TENM3: variants seen among roughly 807,000 people sequenced by gnomAD.
The protein encoded by TENM3 is teneurin-3.
TENM3 carries 63 observed loss-of-function variants against 255.1 expected under a neutral mutation model. The observed-to-expected ratio is 0.25, with a 90% CI of 0.20 to 0.30. The LOEUF (loss-of-function observed/expected upper bound fraction) is 0.30. Among genes scored for constraint, TENM3 ranks in the 10% least tolerant of loss-of-function variants. TENM3 has a pLI of 1.00. For synonymous variants in TENM3, 1,306 were observed against 1,322.3 expected (o/e 0.99, Z 0.27); for missense variants, 2,929 against 3,461.1 (o/e 0.85, Z 3.86).
At chr4:181,606,556 C>A in the TENM3 span, among the ~76,000 whole-genome samples, 2 of 152,188 alleles carry the variant, frequency 1.3e-5, no homozygotes, top group African/African-American at 4.8e-5. Context: ...GAGAGAACTG[C>A]ATTACTCAGG....
At chr4:181,667,439 T>A in the TENM3 span, among the ~76,000 whole-genome samples, 1 of 152,104 alleles carries the variant, frequency 6.6e-6, no homozygotes, top group African/African-American at 2.4e-5. Flanking sequence ...CCAAAAAGCA[T>A]GTGTTGGAGA....
chr4:181,494,028 C>A, the TENM3 span, among the ~76,000 whole-genome samples: 1 of 152,120 alleles, frequency 6.6e-6, no homozygotes, highest in Non-Finnish European at 1.5e-5. Context: ...ATCCTCACAG[C>A]AGCCCTGTGA....
the TENM3 span, among the ~76,000 whole-genome samples, chr4:182,026,255 G>C: frequency 6.6e-6 from 1 of 152,146 alleles, no homozygotes; most frequent in Non-Finnish European, 1.5e-5. Context: ...CCATTTGTAA[G>C]TCTTCCTTTG....
intron 3 of TENM3, among the ~76,000 whole-genome samples, chr4:182,419,605 G>C (rs1296392218): frequency 2.0e-5 from 3 of 152,090 alleles, no homozygotes; most frequent in African/African-American, 7.2e-5. Context: ...CAATAGCAAA[G>C]ACTTGGAACC....
chr4:181,813,006 T>A, the TENM3 span, among the ~76,000 whole-genome samples: 1 of 152,156 alleles, frequency 6.6e-6, no homozygotes, highest in Non-Finnish European at 1.5e-5. Flanking sequence ...GATAACCTCT[T>A]AGTGTCTCCT....
chr4:181,885,366 GATTCTCCTGCCTCAGCCTCCC>G, the TENM3 span, among the ~76,000 whole-genome samples: 1 of 152,142 alleles, frequency 6.6e-6, no homozygotes, highest in Non-Finnish European at 1.5e-5. Context: ...GGGTTCAAGT[GATTCTCCTGCCTCAGCCTCCC>G]GAGTAGCTGG....
the TENM3 span, among the ~76,000 whole-genome samples, chr4:181,545,016 G>T: frequency 6.6e-6 from 1 of 152,204 alleles, no homozygotes; most frequent in Non-Finnish European, 1.5e-5. Context: ...TTGCAAGGTG[G>T]CATCGCTGCT....
At chr4:181,774,282 T>C in the TENM3 span, among the ~76,000 whole-genome samples, 15 of 29,788 alleles carry the variant, frequency 5.0e-4, no homozygotes, top group Non-Finnish European at 7.5e-4. Context: ...TTTTTTGTTC[T>C]TGCGATAGTT....
chr4:181,912,597 A>T, the TENM3 span, among the ~76,000 whole-genome samples: 1 of 151,978 alleles, frequency 6.6e-6, no homozygotes, highest in Admixed American at 6.6e-5. Flanking sequence ...GTTCAAGACC[A>T]GCCTGGCCAA....
At chr4:182,414,675 T>C (rs549627307) in intron 3 of TENM3, among the ~76,000 whole-genome samples, 2 of 152,298 alleles carry the variant, frequency 1.3e-5, no homozygotes, top group African/African-American at 4.8e-5. Context: ...TTAAAATATG[T>C]ATAATATTGA....
At chr4:181,724,558 C>A in the TENM3 span, among the ~76,000 whole-genome samples, 1 of 152,012 alleles carries the variant, frequency 6.6e-6, no homozygotes. Context: ...AATAAAATAT[C>A]TTTTTTATCT....
At chr4:182,042,494 T>A in the TENM3 span, among the ~76,000 whole-genome samples, 23 of 152,332 alleles carry the variant, frequency 1.5e-4, no homozygotes, top group Middle Eastern at 3.4e-3. Context: ...AGGTCCTGAC[T>A]CTTTGGGCTT....
At chr4:182,541,081 G>A (rs893675633) in intron 3 of TENM3, among the ~76,000 whole-genome samples, 2 of 152,210 alleles carry the variant, frequency 1.3e-5, no homozygotes, top group African/African-American at 2.4e-5. Context: ...ACCGCTAAGA[G>A]TTTAAAAAAC....
At chr4:182,516,634 T>C (rs1034289414) in intron 3 of TENM3, among the ~76,000 whole-genome samples, 3 of 152,214 alleles carry the variant, frequency 2.0e-5, no homozygotes, top group Non-Finnish European at 4.4e-5. Context: ...CTCATGCCTG[T>C]AATCCCAGCA....
chr4:182,164,882 T>C (rs1474193672), intron 1 of TENM3, among the ~76,000 whole-genome samples: 4 of 152,190 alleles, frequency 2.6e-5, no homozygotes, highest in African/African-American at 9.7e-5. Flanking sequence ...AGGTAGAAGT[T>C]CTGCTGTTCT....
At chr4:181,554,335 C>T in the TENM3 span, among the ~76,000 whole-genome samples, 3 of 152,084 alleles carry the variant, frequency 2.0e-5, no homozygotes, top group Non-Finnish European at 2.9e-5. Flanking sequence ...GTGAGTTTAA[C>T]GGGGAGGGCT....
chr4:182,161,485 G>A (rs1247448957), intron 1 of TENM3, among the ~76,000 whole-genome samples: 1 of 144,524 alleles, frequency 6.9e-6, no homozygotes, highest in East Asian at 2.0e-4. Flanking sequence ...TACTCGGGAT[G>A]CTGAGGCACA....
the TENM3 span, among the ~76,000 whole-genome samples, chr4:181,651,720 C>A: frequency 1.3e-5 from 2 of 152,142 alleles, no homozygotes; most frequent in Non-Finnish European, 2.9e-5. Context: ...GAACGCTGAA[C>A]TTCTTGAATT....
intron 3 of TENM3, among the ~76,000 whole-genome samples, chr4:182,561,864 T>C (rs949373428): frequency 2.0e-5 from 3 of 152,046 alleles, no homozygotes; most frequent in Admixed American, 2.0e-4. Context: ...AAAAAGTAAT[T>C]GCTGTTTTTG....
Sources: gnomAD v4.1 joint callset for allele counts (sites outside exome capture counted in the v4.1 genomes callset) on GRCh38, gnomAD v4.1.1 for gene constraint, MANE v1.5 for transcripts, NCBI Gene and HGNC (gene_info 2026-07-23, HGNC 2026-07-21) for gene names.